Variants in JARID2 observed in about 807,000 individuals in gnomAD.
JARID2 encodes jumonji and AT-rich interaction domain containing 2.
JARID2 carries 21 observed loss-of-function variants against 125.6 expected under a neutral mutation model. The ratio of observed to expected loss-of-function variants is 0.17; its 90% CI spans 0.12 to 0.24. The LOEUF is 0.24. JARID2 is among the 10% of genes least tolerant of loss of function. The probability of loss-of-function intolerance (pLI) is 1.00; values close to 1 mark genes in which losing one functional copy is unlikely to be tolerated. For missense variants in JARID2, 1,303 were observed against 1,639.6 expected (o/e 0.79, Z 3.55); for synonymous variants, 736 against 661.6 (o/e 1.11, Z -1.73).
At chr6:15,343,226 T>C (rs1234618334) in intron 1 of JARID2, among the ~76,000 whole-genome samples, 2 of 21,242 alleles carry the variant, frequency 9.4e-5, no homozygotes, top group African/African-American at 2.1e-4. Flanking sequence ...CGAAACTCCG[T>C]CAAAAAAAAA....
At chr6:15,384,677 G>GC (rs1218461291) in intron 2 of JARID2, among the ~76,000 whole-genome samples, 1 of 152,036 alleles carries the variant, frequency 6.6e-6, no homozygotes, top group Non-Finnish European at 1.5e-5. Flanking sequence ...TGCAGCCTGG[G>GC]CTCCTTCCCC....
At chr6:15,293,095 T>C (rs983750662) in intron 1 of JARID2, among the ~76,000 whole-genome samples, 1 of 152,250 alleles carries the variant, frequency 6.6e-6, no homozygotes, top group Non-Finnish European at 1.5e-5. Context: ...GATCTTTGTC[T>C]GTCTCTTCTC....
At chr6:15,493,155 T>TCTATC (rs1465342801) in intron 6 of JARID2, among the ~76,000 whole-genome samples, 1 of 151,642 alleles carries the variant, frequency 6.6e-6, no homozygotes, top group Non-Finnish European at 1.5e-5. Flanking sequence ...ACACTCTTAT[T>TCTATC]TGAGATAGAA....
chr6:15,409,356 G>T (rs1765781042), intron 2 of JARID2, among the ~76,000 whole-genome samples: 1 of 152,192 alleles, frequency 6.6e-6, no homozygotes, highest in African/African-American at 2.4e-5. Context: ...GCCCAGTTCT[G>T]GTTGCCTTCG....
At chr6:15,250,005 A>G (rs1477089862) in intron 1 of JARID2, among the ~76,000 whole-genome samples, 2 of 152,220 alleles carry the variant, frequency 1.3e-5, no homozygotes, top group Non-Finnish European at 2.9e-5. Flanking sequence ...AGAATAACAG[A>G]TAGGATACTG....
At chr6:15,363,755 A>G (rs1438350995) in intron 1 of JARID2, among the ~76,000 whole-genome samples, 1 of 152,228 alleles carries the variant, frequency 6.6e-6, no homozygotes, top group Non-Finnish European at 1.5e-5. Flanking sequence ...TGGTGGACAC[A>G]CGTTATTAGT....
intron 1 of JARID2, among the ~76,000 whole-genome samples, chr6:15,325,359 CTATTTAA>C (rs1260168837): frequency 6.6e-6 from 1 of 152,062 alleles, no homozygotes; most frequent in Non-Finnish European, 1.5e-5. Flanking sequence ...TTTTTTCCCC[CTATTTAA>C]TTTAAAAGAA....
intron 1 of JARID2, among the ~76,000 whole-genome samples, chr6:15,260,682 G>T (rs1759839344): frequency 6.6e-6 from 1 of 152,184 alleles, no homozygotes; most frequent in Non-Finnish European, 1.5e-5. Context: ...GTGCAATACT[G>T]CACGCTCTTC....
At chr6:15,508,626 T>C (rs1771120598) in intron 12 of JARID2, among the ~76,000 whole-genome samples, 172 bp downstream of exon 12, 1 of 152,234 alleles carries the variant, frequency 6.6e-6, no homozygotes, top group Admixed American at 6.5e-5. Flanking sequence ...TGGGATCACC[T>C]ACCTCTGTTG....
At chr6:15,374,057 ACT>A in intron 1 of JARID2, 58 bp from the exon 2 acceptor site, 1 of 1,576,940 alleles carries the variant, frequency 6.3e-7, no homozygotes, top group Admixed American at 1.8e-5. Flanking sequence ...GTTTATTTTG[ACT>A]CTGAATATTG....
intron 1 of JARID2, among the ~76,000 whole-genome samples, chr6:15,276,827 G>T (rs553833269): frequency 1.3e-5 from 2 of 152,208 alleles, no homozygotes; most frequent in Admixed American, 6.5e-5. Context: ...AGTGACTGTT[G>T]AGTCATTACA....
intron 1 of JARID2, among the ~76,000 whole-genome samples, chr6:15,260,371 G>T (rs1243011168): frequency 6.6e-6 from 1 of 152,132 alleles, no homozygotes; most frequent in Admixed American, 6.6e-5. Context: ...CTACTGTTAG[G>T]ATTCCAAACC....
chr6:15,261,754 A>G (rs1759886840), intron 1 of JARID2, among the ~76,000 whole-genome samples: 1 of 150,994 alleles, frequency 6.6e-6, no homozygotes, highest in Non-Finnish European at 1.5e-5. Context: ...GTCCTACTGT[A>G]TATTGTATAC....
In JARID2 at chr6:15,379,067, C is replaced by T. The variant is rs77221525; in HGVS notation, c.181+4815C>T. ...CTGTAGGTCTGTGAGTAGTAATAACCTAAGCAGACATAAGATAGTGGAGAC... is the reference window on the plus strand; with the variant it reads ...CTGTAGGTCTGTGAGTAGTAATAACTTAAGCAGACATAAGATAGTGGAGAC... On this transcript the variant is annotated intron_variant, in intron 2 of 17. Coordinates refer to ENST00000341776, the MANE Select transcript of JARID2 (RefSeq NM_004973.4). Among the ~76,000 whole-genome samples the T allele has an allele frequency of 7.5e-3, 1,143 of 152,220 alleles. 15 individuals are homozygous for T. Among genetic ancestry groups the T allele is most frequent in the African/African-American group, 0.026 (1,084 of 41,530 alleles).
intron 1 of JARID2, among the ~76,000 whole-genome samples, chr6:15,356,387 C>G (rs573564515): frequency 6.6e-6 from 1 of 152,126 alleles, no homozygotes; most frequent in Non-Finnish European, 1.5e-5. Context: ...TGAGGTTTCC[C>G]GTTTCTTCAT....
At chr6:15,271,546 A>G (rs1205886988) in intron 1 of JARID2, among the ~76,000 whole-genome samples, 2 of 152,228 alleles carry the variant, frequency 1.3e-5, no homozygotes, top group African/African-American at 4.8e-5. Context: ...GTGGTGGCCC[A>G]TGCCTGTAAT....
At chr6:15,502,696 A>G (rs1450208894) in intron 8 of JARID2, among the ~76,000 whole-genome samples, 2 of 152,098 alleles carry the variant, frequency 1.3e-5, no homozygotes, top group Non-Finnish European at 2.9e-5. Flanking sequence ...GCTGCATCTC[A>G]TGTCCTTGCA....
At chr6:15,369,794 T>A (rs1764099846) in intron 1 of JARID2, among the ~76,000 whole-genome samples, 1 of 152,084 alleles carries the variant, frequency 6.6e-6, no homozygotes, top group South Asian at 2.1e-4. Context: ...TGGTCAACAT[T>A]TAGCAAATGG....
chr6:15,357,468 C>G (rs778240327), intron 1 of JARID2, among the ~76,000 whole-genome samples: 2 of 152,170 alleles, frequency 1.3e-5, no homozygotes, highest in Non-Finnish European at 2.9e-5. Flanking sequence ...TAACTTCAAA[C>G]TGATACTCAA....
Sources: allele counts gnomAD v4.1 joint callset (sites outside exome capture counted in the v4.1 genomes callset), GRCh38; gene constraint gnomAD v4.1.1; transcripts MANE v1.5; gene names NCBI Gene and HGNC (gene_info 2026-07-23, HGNC 2026-07-21).